The following DAPK1 variants were observed in gnomAD, a reference collection of about 807,000 sequenced individuals.
DAPK1 encodes the protein death-associated protein kinase 1.
Under a neutral mutation model 144.9 loss-of-function variants are expected in DAPK1, and 56 were observed. The observed-to-expected ratio is 0.39, with a 90% CI of 0.31 to 0.48. DAPK1 has a LOEUF of 0.48. Among genes scored for constraint, DAPK1 ranks in the 20% least tolerant of loss-of-function variants. The pLI is 0.95. For synonymous variants in DAPK1, 690 were observed against 749.0 expected (o/e 0.92, Z 1.29); for missense variants, 1,454 against 1,875.4 (o/e 0.78, Z 4.15).
intron 2 of DAPK1, among the ~76,000 whole-genome samples, chr9:87,591,713 G>A (rs1828141760): frequency 6.6e-6 from 1 of 152,332 alleles, no homozygotes; most frequent in East Asian, 1.9e-4. Context: ...AAATGATGAA[G>A]TAGCTGGAAA....
At chr9:87,664,002 C>T (rs1830962371) in intron 18 of DAPK1, among the ~76,000 whole-genome samples, 1 of 152,098 alleles carries the variant, frequency 6.6e-6, no homozygotes, top group Non-Finnish European at 1.5e-5. Flanking sequence ...TCACCCTTAA[C>T]CTTAGTCTCC....
chr9:87,610,642 C>T (rs1237299668), intron 3 of DAPK1, among the ~76,000 whole-genome samples: 1 of 152,206 alleles, frequency 6.6e-6, no homozygotes, highest in East Asian at 1.9e-4. Flanking sequence ...CCCTTAGGGG[C>T]TAGGCATACA....
At chr9:87,703,977 T>G (rs1348474410) in intron 25 of DAPK1, among the ~76,000 whole-genome samples, 2 of 152,114 alleles carry the variant, frequency 1.3e-5, no homozygotes, top group Non-Finnish European at 2.9e-5. Flanking sequence ...GCTCTGAGAT[T>G]ATTAAAAGCC....
intron 16 of DAPK1, chr9:87,650,543 T>C (rs1448962013): frequency 4.8e-6 from 1 of 207,506 alleles, no homozygotes; most frequent in Non-Finnish European, 9.8e-6. Flanking sequence ...TGTCTGGCAA[T>C]CTCGATGCTA....
chr9:87,561,333 T>C (rs929805450), intron 2 of DAPK1, among the ~76,000 whole-genome samples: 8 of 152,078 alleles, frequency 5.3e-5, no homozygotes, highest in East Asian at 1.9e-4. Flanking sequence ...GAGACCAGCC[T>C]GGCTAACACG....
Position 87,646,214 on chromosome 9 carries a change from G to C in DAPK1, c.1131+200G>C, listed in dbSNP as rs36212721. ...GCATTGAGGGCCTTCCTTCATTCACGTATTGTATCTCTACCCATGAAATTT... is the reference window on the plus strand; with the variant it reads ...GCATTGAGGGCCTTCCTTCATTCACCTATTGTATCTCTACCCATGAAATTT... On this transcript the variant is annotated intron_variant, in intron 12 of 25. Transcript: ENST00000408954. Among the ~76,000 whole-genome samples, 194 of 152,260 alleles carry C rather than the reference G, an allele frequency of 1.3e-3. 2 individuals are homozygous for C. The Middle Eastern group carries it at 0.031, about 24-fold the overall frequency.
At chr9:87,523,907 G>A (rs896918258) in intron 2 of DAPK1, among the ~76,000 whole-genome samples, 3 of 152,192 alleles carry the variant, frequency 2.0e-5, no homozygotes, top group African/African-American at 7.2e-5. Context: ...TGAAGCTTGA[G>A]CTAGACTGAT....
At chr9:87,532,019 G>T (rs1563978605) in intron 2 of DAPK1, among the ~76,000 whole-genome samples, 1 of 152,196 alleles carries the variant, frequency 6.6e-6, no homozygotes, top group Non-Finnish European at 1.5e-5. Context: ...ACAGGCCTTA[G>T]TGCTAAGCTA....
At chr9:87,682,047 A>G (rs1233178775) in intron 20 of DAPK1, among the ~76,000 whole-genome samples, 4 of 152,136 alleles carry the variant, frequency 2.6e-5, no homozygotes, top group African/African-American at 9.7e-5. Flanking sequence ...AGGGTCCTCA[A>G]CCCTTATCCT....
chr9:87,617,541 C>T lies in DAPK1; in HGVS notation c.284+12366C>T, dbSNP rs576296527. ...ACTCACTCCCTTCTCTTCCTTGACT[C>T]TCATTCCCCCTTCAGATCACTTTCA... On this transcript the variant is annotated intron_variant, in intron 3 of 25. Transcript: ENST00000408954. Among the ~76,000 whole-genome samples, 4 of 152,344 alleles carry T rather than the reference C, an allele frequency of 2.6e-5. No individual in the cohort carries two copies. In the East Asian group the frequency reaches 7.7e-4, roughly 29 times the overall value.
intron 3 of DAPK1, among the ~76,000 whole-genome samples, chr9:87,609,042 TGG>T (rs1374289554): frequency 1.3e-5 from 2 of 152,190 alleles, no homozygotes; most frequent in Non-Finnish European, 2.9e-5. Flanking sequence ...TTCGGGAATG[TGG>T]GTGGCTCCGT....
intron 2 of DAPK1, among the ~76,000 whole-genome samples, chr9:87,591,904 C>T (rs1000305840): frequency 6.6e-6 from 1 of 152,182 alleles, no homozygotes; most frequent in African/African-American, 2.4e-5. Flanking sequence ...ATTGCAGAGC[C>T]CTATGGAAGT....
chr9:87,664,661 G>T (rs1467873024), intron 18 of DAPK1, among the ~76,000 whole-genome samples: 1 of 152,192 alleles, frequency 6.6e-6, no homozygotes, highest in Non-Finnish European at 1.5e-5. Flanking sequence ...GAATCACTGG[G>T]AATTCATTGC....
At chr9:87,587,961 G>C (rs1587743541) in intron 2 of DAPK1, among the ~76,000 whole-genome samples, 2 of 152,234 alleles carry the variant, frequency 1.3e-5, no homozygotes, top group African/African-American at 2.4e-5. Flanking sequence ...TGTTGAAAGA[G>C]CTTTACATGT....
intron 3 of DAPK1, among the ~76,000 whole-genome samples, chr9:87,626,143 C>T (rs1587783792): frequency 6.6e-6 from 1 of 152,200 alleles, no homozygotes; most frequent in African/African-American, 2.4e-5. Flanking sequence ...GGGCCATTTG[C>T]AGTGACTCGC....
At chr9:87,639,020 C>A (rs185794030) in intron 4 of DAPK1, among the ~76,000 whole-genome samples, 3 of 152,312 alleles carry the variant, frequency 2.0e-5, no homozygotes, top group Admixed American at 2.0e-4. Flanking sequence ...TGGAATAACA[C>A]TGAGTTCTCC....
intron 2 of DAPK1, among the ~76,000 whole-genome samples, chr9:87,579,247 A>G (rs1450978623): frequency 3.3e-5 from 5 of 152,220 alleles, no homozygotes; most frequent in African/African-American, 7.2e-5. Context: ...TAAAATAATC[A>G]GAGAATCCAT....
intron 2 of DAPK1, among the ~76,000 whole-genome samples, chr9:87,538,725 A>G (rs1368177105): frequency 6.6e-6 from 1 of 152,234 alleles, no homozygotes; most frequent in Admixed American, 6.5e-5. Flanking sequence ...TAACAGATTA[A>G]AAAACAAAAC....
intron 2 of DAPK1, among the ~76,000 whole-genome samples, chr9:87,536,699 C>G (rs1825872399): frequency 6.6e-6 from 1 of 152,140 alleles, no homozygotes; most frequent in Non-Finnish European, 1.5e-5. Flanking sequence ...CTAGGATTAT[C>G]TTGTTTCTTT....
Sources: gnomAD v4.1 joint callset for allele counts (sites outside exome capture counted in the v4.1 genomes callset) on GRCh38, gnomAD v4.1.1 for gene constraint, MANE v1.5 for transcripts, NCBI Gene and HGNC (gene_info 2026-07-23, HGNC 2026-07-21) for gene names.